The following CCDC178 variants were observed in gnomAD, a reference collection of about 807,000 sequenced individuals.
CCDC178 encodes the protein coiled-coil domain-containing protein 178.
In CCDC178, 126 loss-of-function variants were observed where a neutral mutation model predicts 117.4. That is an observed-to-expected ratio of 1.07 (90% CI 0.93 to 1.24). The LOEUF (loss-of-function observed/expected upper bound fraction) is 1.24, where lower values mean the gene tolerates loss of function less well. Ranked by LOEUF, CCDC178 falls within the 50% of genes most tolerant of loss-of-function variation. CCDC178 has a pLI of 0.00. For missense variants in CCDC178, 1,030 were observed against 986.9 expected (o/e 1.04, Z -0.59); for synonymous variants, 283 against 313.4 (o/e 0.90, Z 1.02).
intron 21 of CCDC178, among the ~76,000 whole-genome samples, chr18:33,018,848 T>C (rs995964854): frequency 6.6e-6 from 1 of 152,138 alleles, no homozygotes; most frequent in Admixed American, 6.5e-5. Flanking sequence ...AAAAAAATCA[T>C]GGAAATGTAT....
intron 20 of CCDC178, among the ~76,000 whole-genome samples, chr18:33,147,802 T>C (rs2058288921): frequency 6.6e-6 from 1 of 152,218 alleles, no homozygotes; most frequent in Non-Finnish European, 1.5e-5. Flanking sequence ...CTGATTTCTC[T>C]ATCTTTTCCC....
intron 16 of CCDC178, among the ~76,000 whole-genome samples, chr18:33,225,897 C>T (rs1388877000): frequency 6.6e-6 from 1 of 152,154 alleles, no homozygotes; most frequent in Non-Finnish European, 1.5e-5. Context: ...CGTGGTGGCT[C>T]ACGCCTGTAA....
At chr18:33,018,732 GAAAT>G (rs1342633566) in intron 21 of CCDC178, among the ~76,000 whole-genome samples, 3 of 152,038 alleles carry the variant, frequency 2.0e-5, no homozygotes, top group African/African-American at 7.2e-5. Flanking sequence ...TACAGCAACT[GAAAT>G]AGGAGGGAAT....
At chr18:33,004,150 C>T (rs934361778) in intron 21 of CCDC178, among the ~76,000 whole-genome samples, 3 of 152,096 alleles carry the variant, frequency 2.0e-5, no homozygotes, top group African/African-American at 7.2e-5. Flanking sequence ...CGAATGACAT[C>T]TTCACAGAAA....
At chr18:33,030,904 T>C (rs1598807140) in intron 21 of CCDC178, among the ~76,000 whole-genome samples, 1 of 152,220 alleles carries the variant, frequency 6.6e-6, no homozygotes, top group Admixed American at 6.5e-5. Context: ...TCTAGGAAGC[T>C]GGTAGCATGG....
intron 20 of CCDC178, among the ~76,000 whole-genome samples, chr18:33,124,097 T>A (rs1217429567): frequency 6.6e-6 from 1 of 152,112 alleles, no homozygotes; most frequent in Non-Finnish European, 1.5e-5. Context: ...ACAAAGCCCA[T>A]CAGATGTTGT....
intron 20 of CCDC178, among the ~76,000 whole-genome samples, chr18:33,190,222 T>C (rs896196545): frequency 6.6e-6 from 1 of 152,204 alleles, no homozygotes; most frequent in African/African-American, 2.4e-5. Flanking sequence ...GACTAATTAG[T>C]GACTCTCTAA....
intron 21 of CCDC178, among the ~76,000 whole-genome samples, chr18:32,977,561 T>A (rs972515633): frequency 6.6e-6 from 1 of 152,180 alleles, no homozygotes; most frequent in Non-Finnish European, 1.5e-5. Flanking sequence ...GGAGCCTACC[T>A]TGTACAAAAA....
At chr18:33,201,661 G>A (rs1035408682) in intron 20 of CCDC178, among the ~76,000 whole-genome samples, 2 of 108,656 alleles carry the variant, frequency 1.8e-5, no homozygotes, top group African/African-American at 5.3e-5. Context: ...AAAAGCCGTG[G>A]GTTGTATTAA....
chr18:32,992,244 A>G (rs1034770071), intron 21 of CCDC178, among the ~76,000 whole-genome samples: 18 of 152,192 alleles, frequency 1.2e-4, no homozygotes, highest in African/African-American at 4.3e-4. Context: ...TGCTCATTAC[A>G]TGATATGTGG....
chr18:32,971,135 C>T (rs572381631), intron 22 of CCDC178, among the ~76,000 whole-genome samples: 5 of 151,964 alleles, frequency 3.3e-5, no homozygotes, highest in South Asian at 2.1e-4. Flanking sequence ...TTAAGCCCTG[C>T]GTGCATTAGG....
chr18:33,273,836 A>C (rs2059915029), intron 12 of CCDC178, among the ~76,000 whole-genome samples: 1 of 151,780 alleles, frequency 6.6e-6, no homozygotes, highest in Non-Finnish European at 1.5e-5. Context: ...TGATACTTAA[A>C]GCATAGGCAA....
chr18:33,185,399 A>C (rs2058779351), intron 20 of CCDC178, among the ~76,000 whole-genome samples: 2 of 152,110 alleles, frequency 1.3e-5, no homozygotes. Flanking sequence ...GTACATTGCG[A>C]ATACTGCTTT....
chr18:33,256,752 G>A (rs1364994753), intron 14 of CCDC178, among the ~76,000 whole-genome samples: 1 of 151,446 alleles, frequency 6.6e-6, no homozygotes, highest in Non-Finnish European at 1.5e-5. Flanking sequence ...CTGTATTCTG[G>A]GTTCTATTTT....
At chr18:33,007,628 A>C (rs543344678) in intron 21 of CCDC178, among the ~76,000 whole-genome samples, 2 of 152,244 alleles carry the variant, frequency 1.3e-5, no homozygotes, top group South Asian at 4.1e-4. Context: ...TATTGCTGAC[A>C]AGATAGGGGT....
chr18:33,199,729 C>T (rs1184119999), intron 20 of CCDC178, among the ~76,000 whole-genome samples: 3 of 152,094 alleles, frequency 2.0e-5, no homozygotes, highest in East Asian at 1.9e-4. Flanking sequence ...TCCAAGGTTC[C>T]TGTATTATTA....
intron 5 of CCDC178, among the ~76,000 whole-genome samples, chr18:33,382,143 T>C (rs546539488): frequency 1.9e-4 from 29 of 152,276 alleles, no homozygotes; most frequent in Non-Finnish European, 3.4e-4. Context: ...TCTCATAAAA[T>C]TGAAAAATTC....
chr18:33,256,430 G>A (rs1416893228), intron 14 of CCDC178, among the ~76,000 whole-genome samples: 4 of 151,868 alleles, frequency 2.6e-5, no homozygotes, highest in Admixed American at 2.0e-4. Flanking sequence ...TTTATCCCTT[G>A]GTATCTAAAG....
intron 21 of CCDC178, among the ~76,000 whole-genome samples, chr18:32,996,559 A>C (rs924124676): frequency 6.6e-6 from 1 of 151,950 alleles, no homozygotes. Context: ...TGCTCCATAT[A>C]TAATATTAAA....
Sources: gnomAD v4.1 joint callset for allele counts (sites outside exome capture counted in the v4.1 genomes callset) on GRCh38, gnomAD v4.1.1 for gene constraint, MANE v1.5 for transcripts, NCBI Gene and HGNC (gene_info 2026-07-23, HGNC 2026-07-21) for gene names.